PINX1: variants seen among roughly 807,000 people sequenced by gnomAD.
PINX1 encodes PIN2 (TERF1) interacting telomerase inhibitor 1.
PINX1 carries 34 observed loss-of-function variants against 25.4 expected under a neutral mutation model. The observed-to-expected ratio is 1.34, with a 90% CI of 1.02 to 1.78. The LOEUF (loss-of-function observed/expected upper bound fraction) is 1.78, where lower values mean the gene tolerates loss of function less well. Among genes scored for constraint, PINX1 ranks in the 40% most tolerant of loss-of-function variants. The probability of loss-of-function intolerance (pLI) is 0.00; values close to 1 mark genes in which losing one functional copy is unlikely to be tolerated. For synonymous variants in PINX1, 197 were observed against 147.7 expected, an observed-to-expected ratio of 1.33 and a Z score of -2.42; for missense variants, 592 against 404.9, an observed-to-expected ratio of 1.46 and a Z score of -3.97.
intron 5 of PINX1, 133 bp from the exon 6 acceptor site, chr8:10,820,402 T>C: frequency 1.4e-6 from 1 of 696,506 alleles, no homozygotes; most frequent in Non-Finnish European, 2.6e-6. Flanking sequence ...CTACTGACTT[T>C]CTACCCACTT....
intron 6 of PINX1, among the ~76,000 whole-genome samples, chr8:10,769,043 G>C (rs1268979403): frequency 1.3e-5 from 2 of 152,158 alleles, no homozygotes; most frequent in Non-Finnish European, 2.9e-5. Context: ...TAAACGTTGA[G>C]AATGTCTGTT....
intron 6 of PINX1, among the ~76,000 whole-genome samples, chr8:10,785,148 T>C (rs17712981): frequency 0.16 from 24,174 of 152,256 alleles, 2,422 homozygotes; most frequent in Non-Finnish European, 0.23. Flanking sequence ...AAATTTCTGG[T>C]TGTTACAAAG....
Position 10,839,660 on chromosome 8 carries a change from G to T in PINX1, c.19+78C>A, listed in dbSNP as rs756831069. The stretch of plus-strand genomic sequence containing the variant: ...GGCGCGCCGGCAACCCGAGCTCCCA[G>T]CCACTCCGGGCTGCCGTGCGCGTCA... On this transcript the variant is annotated intron_variant, in intron 1 of 6. Transcript: ENST00000314787. 2.7e-6 allele frequency: 4 copies of T among 1,467,848 alleles called. No homozygotes were observed. The African/African-American group carries it at 4.2e-5, about 15-fold the overall frequency. 90.9% of individuals were successfully genotyped at this position (1,467,848 alleles called of 1,614,324 possible).
chr8:10,830,232 G>C (rs1798187231), intron 4 of PINX1, among the ~76,000 whole-genome samples: 2 of 152,166 alleles, frequency 1.3e-5, no homozygotes, highest in African/African-American at 4.8e-5. Context: ...CTATGGATAA[G>C]GAAAACTGTC....
At chr8:10,835,271 T>C (rs1370960677) in intron 1 of PINX1, among the ~76,000 whole-genome samples, 2 of 152,228 alleles carry the variant, frequency 1.3e-5, no homozygotes, top group Non-Finnish European at 2.9e-5. Context: ...AATATTCAGT[T>C]TTCACAGTAC....
intron 6 of PINX1, among the ~76,000 whole-genome samples, chr8:10,801,715 G>A (rs957375537): frequency 1.3e-5 from 2 of 152,202 alleles, no homozygotes; most frequent in East Asian, 3.8e-4. Flanking sequence ...AGACCTTACA[G>A]AACTACAGCA....
intron 6 of PINX1, among the ~76,000 whole-genome samples, chr8:10,814,499 T>G (rs1305657876): frequency 6.6e-6 from 1 of 152,192 alleles, no homozygotes; most frequent in African/African-American, 2.4e-5. Flanking sequence ...TAGAGTGAAA[T>G]GCAAGGTCTG....
chr8:10,835,163 T>A lies in PINX1; in HGVS notation c.20-388A>T, dbSNP rs1798363785. ...AGCAGCATTACAGCTTCCATTGCCA[T>A]GCGTTACTACATACAAAAGAACATG... On this transcript the variant is annotated intron_variant, in intron 1 of 6. Transcript: ENST00000314787. Among the ~76,000 whole-genome samples, 2 of 152,224 alleles carry A rather than the reference T, an allele frequency of 1.3e-5. 1 individual carries two copies. Among genetic ancestry groups the A allele is most frequent in the South Asian group, 4.1e-4 (2 of 4,836 alleles).
chr8:10,801,311 G>A (rs1203112833), intron 6 of PINX1, among the ~76,000 whole-genome samples: 1 of 152,228 alleles, frequency 6.6e-6, no homozygotes, highest in African/African-American at 2.4e-5. Context: ...TGGTGCCCCA[G>A]CTATCTGCTT....
At chr8:10,774,157 C>T (rs775539375) in intron 6 of PINX1, among the ~76,000 whole-genome samples, 16 of 152,198 alleles carry the variant, frequency 1.1e-4, no homozygotes, top group Non-Finnish European at 2.1e-4. Context: ...CTTTATTCCA[C>T]AGGAAGAGGT....
intron 6 of PINX1, among the ~76,000 whole-genome samples, chr8:10,769,299 G>C (rs143797645): frequency 4.6e-5 from 7 of 152,262 alleles, no homozygotes; most frequent in Non-Finnish European, 1.0e-4. Context: ...AAATAAGCAG[G>C]ACTGGCCTAG....
chr8:10,839,852 C>T lies in PINX1; in HGVS notation c.-96G>A, dbSNP rs568023969. 11 of 1,242,836 alleles carry T rather than the reference C, an allele frequency of 8.9e-6. No homozygotes were observed. The highest frequency in any genetic ancestry group is 1.9e-4 in the Middle Eastern group (1 of 5,266). 77.0% of individuals were successfully genotyped at this position (1,242,836 alleles called of 1,614,324 possible). On this transcript the variant is annotated 5_prime_UTR_variant, in exon 1 of 7. Transcript: ENST00000314787. The stretch of plus-strand genomic sequence containing the variant: ...AGGAGAATCAGGACGTGCGTAACTC[C>T]CTCGCCGGCGGACTGCAGCGGACGG...
chr8:10,782,028 G>T lies in PINX1; in HGVS notation c.472-16112C>A, dbSNP rs191471278. Among the ~76,000 whole-genome samples the T allele has an allele frequency of 5.3e-5, 8 of 151,442 alleles. No individual in the cohort carries two copies. In the East Asian group the frequency reaches 1.5e-3, roughly 29 times the overall value. On this transcript the variant is annotated intron_variant, in intron 6 of 6. Transcript: ENST00000314787. ...CAGCCTTTAAAAAGGAGGAGATCCAGCCATTTGCCACGACATGGATGAACC... is the reference window on the plus strand; with the variant it reads ...CAGCCTTTAAAAAGGAGGAGATCCATCCATTTGCCACGACATGGATGAACC...
At chr8:10,804,236 G>A (rs1402329843) in intron 6 of PINX1, among the ~76,000 whole-genome samples, 2 of 152,200 alleles carry the variant, frequency 1.3e-5, no homozygotes, top group East Asian at 1.9e-4. Flanking sequence ...ATGTCACTGC[G>A]GTGTTAGCCG....
chr8:10,774,932 T>C (rs1042770995), intron 6 of PINX1, among the ~76,000 whole-genome samples: 1 of 152,006 alleles, frequency 6.6e-6, no homozygotes, highest in South Asian at 2.1e-4. Context: ...GTAAATGATA[T>C]AAAATAATAC....
In PINX1 at chr8:10,793,204, C is replaced by A. The variant is rs80144005; in HGVS notation, c.471+26989G>T. 1.9e-4 allele frequency among the ~76,000 whole-genome samples: 29 copies of A among 152,308 alleles called. No homozygotes were observed. The East Asian group carries it at 5.4e-3, about 28-fold the overall frequency. ...CCCCCAAGTCTGTAACTCCTAGTGTCTGCATCCTCTAAACTATTTTAACAA... is the reference window on the plus strand; with the variant it reads ...CCCCCAAGTCTGTAACTCCTAGTGTATGCATCCTCTAAACTATTTTAACAA... On this transcript the variant is annotated intron_variant, in intron 6 of 6. Transcript: ENST00000314787.
chr8:10,778,272 G>C (rs1801474770), intron 6 of PINX1, among the ~76,000 whole-genome samples: 1 of 152,060 alleles, frequency 6.6e-6, no homozygotes, highest in African/African-American at 2.4e-5. Context: ...GACCAGAAGA[G>C]TTTCCGATTT....
At chr8:10,790,349 T>G (rs1306096143) in intron 6 of PINX1, among the ~76,000 whole-genome samples, 1 of 151,848 alleles carries the variant, frequency 6.6e-6, no homozygotes, top group Non-Finnish European at 1.5e-5. Flanking sequence ...ATGAAAGAAG[T>G]GAAGGACCTC....
chr8:10,812,798 ACAGCCTCCCTGACACCGCC>A (rs538561579), intron 6 of PINX1, among the ~76,000 whole-genome samples: 103 of 152,320 alleles, frequency 6.8e-4, no homozygotes, highest in African/African-American at 1.9e-3. Context: ...GCAAGTGGGC[ACAGCCTCCCTGACACCGCC>A]CAGCCTCCCT....
Sources: gnomAD v4.1 joint callset for allele counts (sites outside exome capture counted in the v4.1 genomes callset) on GRCh38, gnomAD v4.1.1 for gene constraint, MANE v1.5 for transcripts, NCBI Gene and HGNC (gene_info 2026-07-23, HGNC 2026-07-21) for gene names.